Variants in ZNF469 observed in about 807,000 individuals in gnomAD.
ZNF469 encodes the protein zinc finger protein 469.
ZNF469 carries 1 observed loss-of-function variant against 1.0 expected under a neutral mutation model. That is an observed-to-expected ratio of 1.00 (90% CI 0.35 to 4.73). The LOEUF is 4.73. Ranked by LOEUF, ZNF469 falls within the 30% of genes most tolerant of loss-of-function variation. The pLI is 0.16. For missense variants in ZNF469, 6,100 were observed against 5,356.3 expected (o/e 1.14, Z -4.33); for synonymous variants, 2,703 against 2,363.4 (o/e 1.14, Z -4.17).
the ZNF469 span, among the ~76,000 whole-genome samples, chr16:88,188,547 C>G: frequency 2.3e-4 from 35 of 152,152 alleles, no homozygotes; most frequent in African/African-American, 7.7e-4. Flanking sequence ...CTCAGACTTG[C>G]CAGAGCATCT....
the ZNF469 span, among the ~76,000 whole-genome samples, chr16:88,209,415 C>T: frequency 7.2e-5 from 11 of 151,990 alleles, no homozygotes; most frequent in South Asian, 4.1e-4. Flanking sequence ...CTCAGCCTCC[C>T]GAGTAGCTGG....
the ZNF469 span, among the ~76,000 whole-genome samples, chr16:88,295,527 G>C: frequency 2.6e-5 from 4 of 152,244 alleles, no homozygotes; most frequent in South Asian, 8.3e-4. Context: ...GGGCGTCAAC[G>C]GCTGTAGCTG....
At chr16:88,195,852 G>A in the ZNF469 span, among the ~76,000 whole-genome samples, 1 of 152,170 alleles carries the variant, frequency 6.6e-6, no homozygotes, top group Non-Finnish European at 1.5e-5. Flanking sequence ...ATGTCAACTG[G>A]TCAGGACAGC....
the ZNF469 span, among the ~76,000 whole-genome samples, chr16:88,227,780 C>T: frequency 3.2e-3 from 481 of 152,324 alleles, 2 homozygotes; most frequent in Non-Finnish European, 4.1e-3. Flanking sequence ...ACAACAGAAA[C>T]GCATCCCCCA....
At chr16:88,394,924 C>T (rs1430892191) in intron 1 of ZNF469, among the ~76,000 whole-genome samples, 1 of 152,206 alleles carries the variant, frequency 6.6e-6, no homozygotes, top group African/African-American at 2.4e-5. Flanking sequence ...CCCGATCCCT[C>T]CCTGCTGTCC....
At chr16:88,141,672 A>G in the ZNF469 span, among the ~76,000 whole-genome samples, 5 of 152,230 alleles carry the variant, frequency 3.3e-5, no homozygotes, top group Non-Finnish European at 5.9e-5. Context: ...CATCCTGGTC[A>G]TCTGGGTGGC....
the ZNF469 span, among the ~76,000 whole-genome samples, chr16:88,228,363 G>A: frequency 2.0e-5 from 3 of 152,382 alleles, no homozygotes; most frequent in South Asian, 4.1e-4. Flanking sequence ...CTGGGTCTGG[G>A]CCCTGGGGTG....
chr16:88,322,593 A>G, the ZNF469 span, among the ~76,000 whole-genome samples: 1,323 of 152,262 alleles, frequency 8.7e-3, 4 homozygotes, highest in Middle Eastern at 0.017. Flanking sequence ...ACTGACGAGG[A>G]GGGTTTGTGC....
At chr16:88,423,502 G>A (rs560547324) in intron 1 of ZNF469, among the ~76,000 whole-genome samples, 2 of 152,238 alleles carry the variant, frequency 1.3e-5, no homozygotes, top group Admixed American at 6.5e-5. Flanking sequence ...CATGAGTTAC[G>A]GTTGTCTATT....
chr16:88,261,189 C>T, the ZNF469 span, among the ~76,000 whole-genome samples: 1 of 152,220 alleles, frequency 6.6e-6, no homozygotes, highest in South Asian at 2.1e-4. The surrounding 1 kb of genome is among the most constrained non-coding windows in gnomAD (Gnocchi z 6.0). Flanking sequence ...GCCTCAGCTG[C>T]TGATGCGGGT....
In ZNF469 at chr16:88,429,204, G is replaced by GC; in HGVS notation, c.1739dup (p.Pro581ThrfsTer157). The GC allele has an allele frequency of 6.5e-7, 1 of 1,549,816 alleles. No homozygotes were observed. Among genetic ancestry groups the GC allele is most frequent in the Admixed American group, 2.0e-5 (1 of 51,008 alleles). On this transcript the variant is annotated frameshift_variant, in exon 3 of 3. Transcript: ENST00000565624. LOFTEE classifies it low-confidence loss of function (END_TRUNC). Reference sequence around the variant, plus strand: ...TTTCACCCCACGGGACACCCAGCCTGCCCCCACCGAGGGTAGTGGGAGCCT... The same window carrying GC: ...TTTCACCCCACGGGACACCCAGCCTGCCCCCCACCGAGGGTAGTGGGAGCCT...
the ZNF469 span, among the ~76,000 whole-genome samples, chr16:88,275,830 C>G: frequency 1.3e-5 from 2 of 152,176 alleles, no homozygotes; most frequent in East Asian, 3.9e-4. Context: ...TAAGACCCCC[C>G]CAGGAGGCGG....
At chr16:88,157,515 T>A in the ZNF469 span, among the ~76,000 whole-genome samples, 1 of 152,070 alleles carries the variant, frequency 6.6e-6, no homozygotes, top group East Asian at 1.9e-4. Context: ...CTGCCAGCCA[T>A]GGTGAGGGTG....
At chr16:88,164,125 G>A in the ZNF469 span, among the ~76,000 whole-genome samples, 2 of 151,698 alleles carry the variant, frequency 1.3e-5, no homozygotes, top group Admixed American at 6.6e-5. Context: ...TGGGTAGACG[G>A]ATGGGTAGAT....
the ZNF469 span, among the ~76,000 whole-genome samples, chr16:88,219,922 C>T: frequency 1.5e-3 from 224 of 152,238 alleles, no homozygotes; most frequent in Non-Finnish European, 2.5e-3. Flanking sequence ...CTGGCAGATG[C>T]CCCTAGAGAG....
At chr16:88,116,413 C>G in the ZNF469 span, among the ~76,000 whole-genome samples, 4 of 152,212 alleles carry the variant, frequency 2.6e-5, no homozygotes, top group Admixed American at 2.0e-4. Context: ...GGCAGGAATG[C>G]AAATGGCATG....
At chr16:88,135,753 T>A in the ZNF469 span, among the ~76,000 whole-genome samples, 5,406 of 29,600 alleles carry the variant, frequency 0.18, 1,259 homozygotes, top group African/African-American at 0.44. Flanking sequence ...GCCATGTTTT[T>A]TTTTTTTTTT....
chr16:88,350,465 A>G, the ZNF469 span, among the ~76,000 whole-genome samples: 3 of 152,184 alleles, frequency 2.0e-5, no homozygotes, highest in Non-Finnish European at 4.4e-5. Context: ...GGGCTGGGCC[A>G]CTCACCAGCA....
At chr16:88,174,355 T>A in the ZNF469 span, among the ~76,000 whole-genome samples, 32 of 152,182 alleles carry the variant, frequency 2.1e-4, no homozygotes, top group African/African-American at 7.7e-4. Flanking sequence ...AAGCAAAACT[T>A]GATAGAACTG....
Sources: gnomAD v4.1 joint callset for allele counts (sites outside exome capture counted in the v4.1 genomes callset) on GRCh38, gnomAD v4.1.1 for gene constraint, Gnocchi (gnomAD v3.1) non-coding constraint, MANE v1.5 for transcripts, NCBI Gene and HGNC (gene_info 2026-07-23, HGNC 2026-07-21) for gene names.